Variants in SLC35F4 observed in about 807,000 individuals in gnomAD.
The protein encoded by SLC35F4 is chromosome 14 open reading frame 36.
In SLC35F4, 24 loss-of-function variants were observed where a neutral mutation model predicts 44.2. The ratio of observed to expected loss-of-function variants is 0.54; its 90% confidence interval spans 0.39 to 0.76. SLC35F4 has a LOEUF of 0.76. Among genes scored for constraint, SLC35F4 ranks in the 30% least tolerant of loss-of-function variants. The pLI is 0.00. For missense variants in SLC35F4, 562 were observed against 586.1 expected (o/e 0.96, Z 0.42); for synonymous variants, 238 against 223.6 (o/e 1.06, Z -0.57).
At chr14:57,618,116 C>T (rs969005862) in intron 1 of SLC35F4, among the ~76,000 whole-genome samples, 9 of 152,130 alleles carry the variant, frequency 5.9e-5, no homozygotes, top group African/African-American at 1.7e-4. Flanking sequence ...TTCTATCTGA[C>T]ATTTAGGATG....
chr14:57,796,602 A>T (rs973078664), intron 1 of SLC35F4, among the ~76,000 whole-genome samples: 2 of 152,234 alleles, frequency 1.3e-5, no homozygotes, highest in African/African-American at 4.8e-5. Context: ...TAGTGAAAGG[A>T]ACTCCTCTAG....
At position 57,964,993 on chromosome 14, in the gene SLC35F4, T is replaced by A. The variant is rs868749168; in HGVS notation, n.282+16920A>T. Among the ~76,000 whole-genome samples, 1,159 of 131,960 alleles carry A rather than the reference T, an allele frequency of 8.8e-3. 7 individuals are homozygous for A. The highest frequency in any genetic ancestry group is 0.012 in the Non-Finnish European group (749 of 60,952). 86.6% of individuals were successfully genotyped at this position (131,960 alleles called of 152,430 possible). On this transcript the variant is annotated intron_variant and non_coding_transcript_variant, in intron 1 of 1. Transcript: ENST00000556568. ...ATGGGGGAAAAAAAAAAAAAAAAAA[T>A]ATATATATATATATATATAGTTTCA...
chr14:57,852,517 C>T (rs1176728465), intron 1 of SLC35F4, among the ~76,000 whole-genome samples: 1 of 152,208 alleles, frequency 6.6e-6, no homozygotes, highest in Non-Finnish European at 1.5e-5. Flanking sequence ...GAAAGGTGAT[C>T]ATGGTTCCTA....
chr14:57,664,224 A>C (rs2074233652), intron 1 of SLC35F4, among the ~76,000 whole-genome samples: 1 of 152,174 alleles, frequency 6.6e-6, no homozygotes, highest in Non-Finnish European at 1.5e-5. Context: ...CAGCAACTAC[A>C]TTACTTGTCA....
chr14:57,912,936 T>C (rs1889246122), intron 1 of SLC35F4, among the ~76,000 whole-genome samples: 1 of 152,138 alleles, frequency 6.6e-6, no homozygotes, highest in African/African-American at 2.4e-5. Context: ...CTCACATATT[T>C]TGATGCTCTG....
chr14:57,704,669 T>G (rs1171986291), intron 1 of SLC35F4, among the ~76,000 whole-genome samples: 2 of 152,078 alleles, frequency 1.3e-5, no homozygotes, highest in Non-Finnish European at 2.9e-5. Flanking sequence ...TGAGATATAA[T>G]GACTAGATCA....
chr14:57,576,035 G>A (rs11623923), intron 4 of SLC35F4, among the ~76,000 whole-genome samples: 18,622 of 150,292 alleles, frequency 0.12, 1,383 homozygotes, highest in Non-Finnish European at 0.16. Flanking sequence ...GCCATCAAAA[G>A]CCCACAAAGG....
intron 1 of SLC35F4, among the ~76,000 whole-genome samples, chr14:57,665,433 G>A (rs1189615703): frequency 6.6e-6 from 1 of 152,102 alleles, no homozygotes; most frequent in African/African-American, 2.4e-5. Context: ...GCAAGCACGA[G>A]TACTGTCTCA....
chr14:57,565,596 G>A (rs1053906486), intron 7 of SLC35F4, among the ~76,000 whole-genome samples: 7 of 152,106 alleles, frequency 4.6e-5, no homozygotes, highest in African/African-American at 1.7e-4. Context: ...ATGAATGAAC[G>A]AAACTCCTTG....
intron 1 of SLC35F4, among the ~76,000 whole-genome samples, chr14:57,739,189 G>T (rs1262801864): frequency 1.3e-5 from 2 of 151,920 alleles, no homozygotes; most frequent in Non-Finnish European, 2.9e-5. Context: ...GGTACCTCCG[G>T]GTGGTAAATG....
At chr14:57,748,816 G>C (rs1470395590) in intron 1 of SLC35F4, among the ~76,000 whole-genome samples, 2 of 152,194 alleles carry the variant, frequency 1.3e-5, no homozygotes, top group Non-Finnish European at 2.9e-5. Flanking sequence ...GTAGAGAAAA[G>C]CCATGTGTAT....
In SLC35F4 at chr14:57,723,607, G is replaced by C. The variant is rs189287753; in HGVS notation, c.104-129483C>G. Among the ~76,000 whole-genome samples, 345 of 152,330 alleles carry C rather than the reference G, an allele frequency of 2.3e-3. 2 individuals are homozygous for C. Among genetic ancestry groups the C allele is most frequent in the African/African-American group, 7.9e-3 (328 of 41,578 alleles). ...AAATTAACACATCTCCTGGTACCTGGTATGCAGCCATTGACATGGCAAATG... is the reference window on the plus strand; with the variant it reads ...AAATTAACACATCTCCTGGTACCTGCTATGCAGCCATTGACATGGCAAATG... On this transcript the variant is annotated intron_variant, in intron 1 of 7. Transcript: ENST00000556826.
At chr14:57,955,250 T>C (rs748370814) in intron 1 of SLC35F4, among the ~76,000 whole-genome samples, 1 of 152,194 alleles carries the variant, frequency 6.6e-6, no homozygotes, top group Non-Finnish European at 1.5e-5. Context: ...CACCCCTTCA[T>C]GCTAAAAACT....
chr14:57,827,412 G>A (rs1349788756), intron 1 of SLC35F4, among the ~76,000 whole-genome samples: 1 of 152,082 alleles, frequency 6.6e-6, no homozygotes, highest in Admixed American at 6.6e-5. Flanking sequence ...ATACCTAGGA[G>A]ATAAGTTGAC....
intron 1 of SLC35F4, among the ~76,000 whole-genome samples, chr14:57,705,497 T>C (rs2075650342): frequency 1.3e-5 from 2 of 152,330 alleles, no homozygotes; most frequent in Admixed American, 6.5e-5. Context: ...TCTTATGATA[T>C]GGGCTTTCTA....
intron 1 of SLC35F4, chr14:57,630,143 T>A: frequency 1.8e-6 from 1 of 553,764 alleles, no homozygotes. Flanking sequence ...GATGGCAGAT[T>A]AAAATACAGT....
intron 2 of SLC35F4, among the ~76,000 whole-genome samples, chr14:57,592,063 C>G (rs149913045): frequency 0.025 from 3,830 of 152,286 alleles, 73 homozygotes; most frequent in South Asian, 0.048. Context: ...ACCCAGAACT[C>G]TTTTATTTTC....
chr14:57,673,290 G>A (rs1324685194), intron 1 of SLC35F4, among the ~76,000 whole-genome samples: 1 of 152,114 alleles, frequency 6.6e-6, no homozygotes, highest in Non-Finnish European at 1.5e-5. Flanking sequence ...ATTGAAGAGT[G>A]TAGTAGTGTC....
chr14:57,935,165 C>G (rs1279630981), intron 1 of SLC35F4, among the ~76,000 whole-genome samples: 2 of 152,118 alleles, frequency 1.3e-5, no homozygotes, highest in Non-Finnish European at 2.9e-5. Context: ...AGTTACCTTC[C>G]CATGATTTTT....
Sources: gnomAD v4.1 joint callset for allele counts (sites outside exome capture counted in the v4.1 genomes callset) on GRCh38, gnomAD v4.1.1 for gene constraint, MANE v1.5 for transcripts, NCBI Gene and HGNC (gene_info 2026-07-23, HGNC 2026-07-21) for gene names.